Variants in METTL16 observed in about 807,000 individuals in gnomAD.
METTL16 encodes the protein RNA N(6)-adenosine-methyltransferase METTL16.
Under a neutral mutation model 57.9 loss-of-function variants are expected in METTL16, and 19 were observed. The ratio of observed to expected loss-of-function variants is 0.33; its 90% CI spans 0.23 to 0.48. The LOEUF is 0.48. Among genes scored for constraint, METTL16 ranks in the 20% least tolerant of loss-of-function variants. METTL16 has a pLI of 0.99. For missense variants in METTL16, 434 were observed against 691.5 expected (o/e 0.63, Z 4.18); for synonymous variants, 246 against 255.6 (o/e 0.96, Z 0.36).
chr17:2,417,006 AT>A lies in METTL16; in HGVS notation c.*2963del, dbSNP rs1332366191. 6.7e-6 allele frequency: 1 copy of A among 149,668 alleles called. No homozygotes were observed. Among genetic ancestry groups the A allele is most frequent in the African/African-American group, 2.5e-5 (1 of 40,718 alleles). The allele number at this position is 149,668 out of a possible 1,614,324, so 9.3% of individuals were successfully genotyped here. On this transcript the variant is annotated 3_prime_UTR_variant, in exon 10 of 10. Transcript: ENST00000263092. ...CAGGGAAGGAAATGGAAACATCCAA[AT>A]GCACAGAAGGCACTCGGCTCCAGAC...
At chr17:2,425,430 G>A (rs1480655529) in intron 8 of METTL16, among the ~76,000 whole-genome samples, 4 of 152,138 alleles carry the variant, frequency 2.6e-5, no homozygotes, top group Admixed American at 2.0e-4. Flanking sequence ...GCTGATTTTG[G>A]ATTTGAAGAT....
chr17:2,443,447 CATCTT>C (rs1352490422), intron 6 of METTL16, among the ~76,000 whole-genome samples: 4 of 151,434 alleles, frequency 2.6e-5, no homozygotes, highest in Admixed American at 1.3e-4. Flanking sequence ...TTCCCCAACT[CATCTT>C]ATAAGGCCAG....
intron 8 of METTL16, among the ~76,000 whole-genome samples, chr17:2,429,104 C>T (rs547924614): frequency 1.6e-4 from 25 of 151,960 alleles, no homozygotes; most frequent in Non-Finnish European, 3.4e-4. Context: ...GTGATCCACC[C>T]GCTTCGGCCT....
intron 8 of METTL16, among the ~76,000 whole-genome samples, chr17:2,423,227 C>G (rs2066780918): frequency 1.3e-5 from 2 of 149,744 alleles, no homozygotes; most frequent in African/African-American, 2.5e-5. Flanking sequence ...TTATTCTATA[C>G]TAGGAAACTG....
chr17:2,445,548 G>A (rs9911370), intron 6 of METTL16, among the ~76,000 whole-genome samples: 4,927 of 152,238 alleles, frequency 0.032, 295 homozygotes, highest in African/African-American at 0.11. Flanking sequence ...CACTTTGGGA[G>A]GCTGAGGTGG....
Position 2,417,122 on chromosome 17 carries a change from G to C in METTL16, c.*2848C>G, listed in dbSNP as rs2066725270. The C allele has an allele frequency of 7.5e-6, 1 of 133,400 alleles. No homozygotes were observed. Among genetic ancestry groups the C allele is most frequent in the Admixed American group, 8.9e-5 (1 of 11,208 alleles). 8.3% of individuals were successfully genotyped at this position (133,400 alleles called of 1,614,324 possible). Reference sequence around the variant, plus strand: ...ACTTTGTCGCCCAGGCTGTAGTGCAGTGGCATTCTCGGCTCACTGCAACCT... The same window carrying C: ...ACTTTGTCGCCCAGGCTGTAGTGCACTGGCATTCTCGGCTCACTGCAACCT... On this transcript the variant is annotated 3_prime_UTR_variant, in exon 10 of 10. Coordinates refer to ENST00000263092, the MANE Select transcript of METTL16 (RefSeq NM_024086.4).
intron 2 of METTL16, among the ~76,000 whole-genome samples, chr17:2,497,806 A>G (rs1489167133): frequency 6.6e-6 from 1 of 151,354 alleles, no homozygotes; most frequent in Non-Finnish European, 1.5e-5. Context: ...GGTTCACTGC[A>G]GCCTTGACCC....
intron 2 of METTL16, among the ~76,000 whole-genome samples, chr17:2,499,532 TACAA>T (rs1222898237): frequency 1.3e-5 from 2 of 152,008 alleles, no homozygotes; most frequent in African/African-American, 2.4e-5. Flanking sequence ...AACAATGACT[TACAA>T]ACAATGAGAG....
At chr17:2,469,126 A>G (rs2067220840) in intron 4 of METTL16, among the ~76,000 whole-genome samples, 1 of 151,866 alleles carries the variant, frequency 6.6e-6, no homozygotes, top group Non-Finnish European at 1.5e-5. Context: ...AATCCCAGCT[A>G]CTCAGGAGGC....
intron 6 of METTL16, among the ~76,000 whole-genome samples, chr17:2,448,784 A>AT (rs1251069178): frequency 1.0e-4 from 11 of 110,256 alleles, no homozygotes; most frequent in African/African-American, 5.2e-4. Context: ...AAAAAAATAA[A>AT]AAAATAAAAA....
chr17:2,482,451 A>C (rs1264492880), intron 2 of METTL16, among the ~76,000 whole-genome samples: 14 of 152,220 alleles, frequency 9.2e-5, no homozygotes. Flanking sequence ...GTGGCTACAT[A>C]ATAAAATGTA....
chr17:2,500,515 C>G (rs543523853), intron 2 of METTL16, among the ~76,000 whole-genome samples: 7 of 152,210 alleles, frequency 4.6e-5, no homozygotes, highest in African/African-American at 1.7e-4. Context: ...CTCCTGACCT[C>G]AAGTGATCCG....
intron 8 of METTL16, among the ~76,000 whole-genome samples, chr17:2,422,817 C>G (rs1689265463): frequency 7.0e-6 from 1 of 142,246 alleles, no homozygotes; most frequent in Non-Finnish European, 1.5e-5. Flanking sequence ...AACCCCATCT[C>G]TAGTAAAAAT....
rs370999590 is a variant in METTL16, at chr17:2,426,453, G to A, written c.889-5549C>T. ...ACAGTAAAAAGTAAAAATAGCAGCCGGGTGCCATGGCTCACGCCTGTAATC... is the reference window on the plus strand; with the variant it reads ...ACAGTAAAAAGTAAAAATAGCAGCCAGGTGCCATGGCTCACGCCTGTAATC... On this transcript the variant is annotated intron_variant, in intron 8 of 9. Coordinates refer to ENST00000263092, the MANE Select transcript of METTL16 (RefSeq NM_024086.4). 2.4e-4 allele frequency among the ~76,000 whole-genome samples: 36 copies of A among 152,148 alleles called. 1 individual carries two copies. In the East Asian group the frequency reaches 5.2e-3, roughly 22 times the overall value.
At chr17:2,503,576 A>G (rs1183851358) in intron 1 of METTL16, among the ~76,000 whole-genome samples, 1 of 152,126 alleles carries the variant, frequency 6.6e-6, no homozygotes, top group African/African-American at 2.4e-5. Context: ...ATATCCATAC[A>G]CTAAATATGG....
At chr17:2,440,488 C>T (rs2066940949) in intron 7 of METTL16, among the ~76,000 whole-genome samples, 1 of 152,026 alleles carries the variant, frequency 6.6e-6, no homozygotes, top group Admixed American at 6.6e-5. Flanking sequence ...ACCTCATGAT[C>T]CGCCCACATC....
chr17:2,464,472 AT>A, intron 5 of METTL16, 122 bp from the exon 6 acceptor site: 1 of 883,732 alleles, frequency 1.1e-6, no homozygotes, highest in Non-Finnish European at 1.6e-6. Flanking sequence ...AGTATGCTAG[AT>A]TTAGGATTTT....
intron 6 of METTL16, among the ~76,000 whole-genome samples, chr17:2,443,818 G>C (rs1207812063): frequency 1.3e-5 from 2 of 152,154 alleles, no homozygotes; most frequent in Non-Finnish European, 2.9e-5. Context: ...ATAATGATAA[G>C]AAAGGTATAG....
intron 6 of METTL16, among the ~76,000 whole-genome samples, chr17:2,457,337 CAAAAAAAA>C (rs57968051): frequency 4.7e-5 from 2 of 42,616 alleles, no homozygotes; most frequent in Middle Eastern, 0.021. Context: ...GACTCCGTCT[CAAAAAAAA>C]AAAAAAAAAA....
Sources: gnomAD v4.1 joint callset for allele counts (sites outside exome capture counted in the v4.1 genomes callset) on GRCh38, gnomAD v4.1.1 for gene constraint, MANE v1.5 for transcripts, NCBI Gene and HGNC (gene_info 2026-07-23, HGNC 2026-07-21) for gene names.